The following ATE1 variants were observed in gnomAD, a reference collection of about 807,000 sequenced individuals.
ATE1 encodes the protein arginyl-tRNA--protein transferase 1.
ATE1 carries 36 observed loss-of-function variants against 70.5 expected under a neutral mutation model. The observed-to-expected ratio is 0.51, with a 90% CI of 0.39 to 0.67. The LOEUF (loss-of-function observed/expected upper bound fraction) is 0.67. Ranked by LOEUF, ATE1 falls within the 30% of genes least tolerant of loss-of-function variation. ATE1 has a pLI of 0.00. For missense variants in ATE1, 593 were observed against 629.5 expected (o/e 0.94, Z 0.62); for synonymous variants, 232 against 219.3 (o/e 1.06, Z -0.51).
At chr10:121,763,601 G>A (rs903855070) in intron 11 of ATE1, among the ~76,000 whole-genome samples, 6 of 152,274 alleles carry the variant, frequency 3.9e-5, no homozygotes, top group African/African-American at 1.4e-4. Context: ...ATGGAGATGC[G>A]GGAGGGAGGG....
intron 8 of ATE1, among the ~76,000 whole-genome samples, chr10:121,847,995 T>C (rs914532610): frequency 4.7e-5 from 7 of 150,520 alleles, no homozygotes; most frequent in Admixed American, 1.3e-4. Flanking sequence ...CGCTTGAACC[T>C]GGGAGGCGGA....
At chr10:121,908,532 T>C (rs1348490743) in intron 5 of ATE1, among the ~76,000 whole-genome samples, 1 of 152,160 alleles carries the variant, frequency 6.6e-6, no homozygotes, top group Non-Finnish European at 1.5e-5. Flanking sequence ...GCCTTTGCTA[T>C]GGGTTTTTAT....
intron 1 of ATE1, 69 bp from the exon 2 acceptor site, chr10:121,924,398 G>T: frequency 6.8e-7 from 1 of 1,477,184 alleles, no homozygotes; most frequent in Non-Finnish European, 9.5e-7. Context: ...CAAAGTGTGA[G>T]GTTTAAAAAT....
intron 9 of ATE1, among the ~76,000 whole-genome samples, chr10:121,838,748 T>C (rs1052682014): frequency 1.3e-5 from 2 of 152,188 alleles, no homozygotes; most frequent in Admixed American, 6.5e-5. Flanking sequence ...TTTTAAAATG[T>C]ATCTTTCTAA....
intron 11 of ATE1, among the ~76,000 whole-genome samples, chr10:121,762,796 T>A (rs1564816905): frequency 6.6e-6 from 1 of 152,262 alleles, no homozygotes; most frequent in South Asian, 2.1e-4. Context: ...TAAATGTACA[T>A]ATAGCTCACA....
chr10:121,837,789 C>T (rs989635418), intron 9 of ATE1, among the ~76,000 whole-genome samples: 1 of 152,034 alleles, frequency 6.6e-6, no homozygotes, highest in African/African-American at 2.4e-5. Flanking sequence ...ATCCTATTTC[C>T]AGAATTAATC....
intron 11 of ATE1, among the ~76,000 whole-genome samples, chr10:121,770,388 T>C (rs1189142377): frequency 1.3e-5 from 2 of 152,184 alleles, no homozygotes; most frequent in Non-Finnish European, 2.9e-5. Context: ...GCAGTTTAGT[T>C]ATTTTAACAT....
At chr10:121,918,251 T>C (rs1218658632) in intron 3 of ATE1, among the ~76,000 whole-genome samples, 18 of 151,554 alleles carry the variant, frequency 1.2e-4, no homozygotes, top group Admixed American at 1.2e-3. Flanking sequence ...AAGAATCACT[T>C]GAACCTGGGA....
intron 10 of ATE1, among the ~76,000 whole-genome samples, chr10:121,822,683 A>G (rs940764162): frequency 6.6e-5 from 10 of 152,122 alleles, no homozygotes; most frequent in Admixed American, 1.3e-4. Flanking sequence ...CACAGTACTC[A>G]TAACTTTCCT....
intron 11 of ATE1, among the ~76,000 whole-genome samples, chr10:121,762,436 A>T (rs188677676): frequency 6.6e-6 from 1 of 152,332 alleles, no homozygotes; most frequent in East Asian, 1.9e-4. Flanking sequence ...TTCTCAAACA[A>T]AGTTGTTACA....
rs368007159 is a variant in ATE1 at position 121,902,357 on chromosome 10, T to C, written c.813+34A>G. ...GATATGCCCAAACAAAAAAAAATCA[T>C]AATAAAACAAACAACAAAAGTCCTC... On this transcript the variant is annotated intron_variant, in intron 6 of 11. Transcript: ENST00000224652. The C allele has an allele frequency of 9.6e-6, 15 of 1,560,062 alleles. 1 individual carries two copies. The African/African-American group carries it at 1.9e-4, about 20-fold the overall frequency.
chr10:121,814,274 A>T (rs1947446859), intron 10 of ATE1, among the ~76,000 whole-genome samples: 1 of 152,240 alleles, frequency 6.6e-6, no homozygotes, highest in African/African-American at 2.4e-5. Flanking sequence ...GTCTAAAGGC[A>T]GACAGGAAGG....
intron 10 of ATE1, among the ~76,000 whole-genome samples, chr10:121,810,978 C>T (rs909978198): frequency 2.6e-5 from 4 of 152,248 alleles, no homozygotes; most frequent in Admixed American, 6.5e-5. Flanking sequence ...TGGAATTACA[C>T]GTGTGAGCCA....
chr10:121,806,041 T>G (rs1947082433), intron 10 of ATE1, among the ~76,000 whole-genome samples: 1 of 152,068 alleles, frequency 6.6e-6, no homozygotes, highest in Non-Finnish European at 1.5e-5. Flanking sequence ...CAAAAGTGAG[T>G]AAACTTAATA....
Position 121,741,733 on chromosome 10 carries a change from G to A in ATE1, c.*1947C>T, listed in dbSNP as rs182686662. The A allele has an allele frequency of 6.6e-6, 1 of 152,150 alleles. No homozygotes were observed. The highest frequency in any genetic ancestry group is 2.4e-5 in the African/African-American group (1 of 41,504). The allele number at this position is 152,150 out of a possible 1,614,324, so 9.4% of individuals were successfully genotyped here. A position where few individuals can be genotyped will look rare whatever the true frequency, so the allele number is the denominator to read the frequency against. ...ACTACACTTTCTGAAGCCTTATTTT[G>A]AAATTTATTTCACATTTCAGACATG... On this transcript the variant is annotated 3_prime_UTR_variant, in exon 12 of 12. Coordinates refer to ENST00000224652, the MANE Select transcript of ATE1 (RefSeq NM_001001976.3).
intron 8 of ATE1, among the ~76,000 whole-genome samples, chr10:121,859,180 C>T (rs993190430): frequency 2.6e-5 from 4 of 152,142 alleles, no homozygotes; most frequent in Non-Finnish European, 5.9e-5. Flanking sequence ...TGTTATAATG[C>T]TCATATAAAA....
chr10:121,902,272 T>A, intron 6 of ATE1, 119 bp downstream of exon 6: 1 of 937,736 alleles, frequency 1.1e-6, no homozygotes, highest in East Asian at 2.7e-5. Flanking sequence ...TAATTTCTTT[T>A]AAATTCTCAT....
At chr10:121,745,563 C>A (rs1379928464) in intron 11 of ATE1, among the ~76,000 whole-genome samples, 1 of 151,838 alleles carries the variant, frequency 6.6e-6, no homozygotes. Flanking sequence ...AAAAAAAAAC[C>A]AAAAAACAAA....
At chr10:121,841,401 C>A in intron 8 of ATE1, 138 bp from the exon 9 acceptor site, 1 of 531,226 alleles carries the variant, frequency 1.9e-6, no homozygotes, top group East Asian at 3.7e-5. Context: ...TAGTCACACC[C>A]TATATTAAGC....
Sources: gnomAD v4.1 joint callset for allele counts (sites outside exome capture counted in the v4.1 genomes callset) on GRCh38, gnomAD v4.1.1 for gene constraint, MANE v1.5 for transcripts, NCBI Gene and HGNC (gene_info 2026-07-23, HGNC 2026-07-21) for gene names.